TEX14: variants seen among roughly 807,000 people sequenced by gnomAD.
TEX14 encodes testis expressed 14, intercellular bridge forming factor, also known as inactive serine/threonine-protein kinase TEX14.
In TEX14, 168 loss-of-function variants were observed where a neutral mutation model predicts 178.6. That is an observed-to-expected ratio of 0.94 (90% CI 0.83 to 1.07). The LOEUF (loss-of-function observed/expected upper bound fraction) is 1.07. Among genes scored for constraint, TEX14 ranks in the 50% least tolerant of loss-of-function variants. The pLI is 0.00. For missense variants in TEX14, 1,730 were observed against 1,753.6 expected, an observed-to-expected ratio of 0.99 and a Z score of 0.24; for synonymous variants, 626 against 634.1, an observed-to-expected ratio of 0.99 and a Z score of 0.19.
chr17:58,660,786 A>C (rs1173551809), intron 1 of TEX14: 2 of 781,160 alleles, frequency 2.6e-6, no homozygotes, highest in Non-Finnish European at 4.8e-6. Context: ...TGATCATACC[A>C]GTCACTCACT....
At chr17:58,605,858 C>T (rs1158517768) in intron 10 of TEX14, among the ~76,000 whole-genome samples, 4 of 152,168 alleles carry the variant, frequency 2.6e-5, no homozygotes, top group African/African-American at 4.8e-5. Flanking sequence ...TTTAGTTTAT[C>T]TGTCTCCCCT....
chr17:58,571,484 C>T (rs974783868), intron 24 of TEX14, among the ~76,000 whole-genome samples: 10 of 151,788 alleles, frequency 6.6e-5, no homozygotes, highest in African/African-American at 2.2e-4. Context: ...GTGATCTGCC[C>T]GCCTCGGTCT....
intron 1 of TEX14, among the ~76,000 whole-genome samples, chr17:58,685,996 CAAAA>C (rs34156664): frequency 1.2e-5 from 1 of 82,656 alleles, no homozygotes; most frequent in African/African-American, 4.8e-5. Context: ...CTCTGTCTCA[CAAAA>C]AAAAAAAAAA....
At position 58,667,807 on chromosome 17, in the gene TEX14, C is replaced by A. The variant is rs561126046; in HGVS notation, c.-1-15805G>T. On this transcript the variant is annotated intron_variant, in intron 1 of 31. Coordinates refer to ENST00000349033, the MANE Select transcript of TEX14 (RefSeq NM_031272.5). ...GGCTGAGGCAGGAGAACTGCTTGAA[C>A]CCGGGAGGCGAAGGTTGCAGTGAGG... 2.0e-5 allele frequency among the ~76,000 whole-genome samples: 3 copies of A among 151,946 alleles called. No individual in the cohort carries two copies. In the South Asian group the frequency reaches 6.2e-4, roughly 32 times the overall value.
chr17:58,682,160 GCTGGGCTCAAACTC>G (rs2047510924), intron 1 of TEX14, among the ~76,000 whole-genome samples: 1 of 152,164 alleles, frequency 6.6e-6, no homozygotes, highest in Admixed American at 6.5e-5. Context: ...TGTTGCCCAG[GCTGGGCTCAAACTC>G]CTGGGCTCAA....
At chr17:58,632,167 T>G (rs1475264209) in intron 2 of TEX14, among the ~76,000 whole-genome samples, 1 of 152,190 alleles carries the variant, frequency 6.6e-6, no homozygotes, top group Non-Finnish European at 1.5e-5. Context: ...CTGCCCGGTT[T>G]GGACTGATGA....
Position 58,611,226 on chromosome 17 carries a change from G to A in TEX14, c.1119C>T (p.Ser373=). The A allele has an allele frequency of 6.2e-7, 1 of 1,613,916 alleles. No homozygotes were observed. Among genetic ancestry groups the A allele is most frequent in the Non-Finnish European group, 8.5e-7 (1 of 1,179,828 alleles). ...FQGFIHRSLS[S]YAVHIISPGE... ...CTGGGGAGATGATATGGACAGCATA[G>A]GAGCTGAGGGAGCGGTGGATAAACC... The change falls in exon 10 of 32, where the codon TCC becomes TCT. Residue 373 remains serine (S), a synonymous_variant. Coordinates refer to ENST00000349033, the MANE Select transcript of TEX14 (RefSeq NM_031272.5).
intron 12 of TEX14, 79 bp from the exon 13 acceptor site, chr17:58,602,035 A>G (rs2045464963): frequency 3.4e-6 from 5 of 1,474,846 alleles, no homozygotes; most frequent in East Asian, 4.5e-5. Flanking sequence ...CCATCTAAGT[A>G]TCTGATAAAC....
rs561353639 is a variant in TEX14, at chr17:58,584,846, T to TAATACCCAAGCC, written c.3071-258_3071-247dup. Among the ~76,000 whole-genome samples, 8 of 152,194 alleles carry TAATACCCAAGCC rather than the reference T, an allele frequency of 5.3e-5. No individual in the cohort carries two copies. The East Asian group carries it at 1.4e-3, about 26-fold the overall frequency. On this transcript the variant is annotated intron_variant, in intron 18 of 31. Coordinates refer to ENST00000349033, the MANE Select transcript of TEX14 (RefSeq NM_031272.5). ...ACAAGAAACAGATTCTAAATACAAA[T>TAATACCCAAGCC]AATACCCAAGCCAATAGATTTTCTG...
At chr17:58,594,295 G>C (rs373805736) in intron 14 of TEX14, among the ~76,000 whole-genome samples, 1 of 151,356 alleles carries the variant, frequency 6.6e-6, no homozygotes, top group African/African-American at 2.4e-5. Context: ...TTTGTGGCAG[G>C]AGTAAAGGCC....
intron 11 of TEX14, 63 bp downstream of exon 11, chr17:58,604,915 G>C (rs998239858): frequency 1.8e-5 from 28 of 1,560,546 alleles, no homozygotes; most frequent in East Asian, 2.2e-5. Flanking sequence ...TAACTCCTGT[G>C]GGGGGAGAAA....
In TEX14 at chr17:58,579,699, TC is replaced by T; in HGVS notation, c.3203del (p.Gly1068GlufsTer19). ...TSSPIEEDFE[G>X]IQGAFAQPQV... ...GAGGTTGGGCAAATGCACCTTGTAT[TC>T]CTTCAAAGTCCTCTTCTATGGGACT... On this transcript the variant is annotated frameshift_variant, in exon 20 of 32. Transcript: ENST00000349033. LOFTEE classifies it high-confidence loss of function. 1.2e-6 allele frequency: 2 copies of T among 1,614,014 alleles called. No individual in the cohort carries two copies. The highest frequency in any genetic ancestry group is 1.7e-6 in the Non-Finnish European group (2 of 1,179,974).
intron 2 of TEX14, among the ~76,000 whole-genome samples, chr17:58,651,273 C>T (rs2046834979): frequency 6.6e-6 from 1 of 152,018 alleles, no homozygotes; most frequent in African/African-American, 2.4e-5. Flanking sequence ...GAGACTCTGT[C>T]TCCAAAAGAA....
chr17:58,584,312 C>T (rs1281773077), intron 19 of TEX14, among the ~76,000 whole-genome samples, 188 bp downstream of exon 19: 1 of 152,172 alleles, frequency 6.6e-6, no homozygotes, highest in Non-Finnish European at 1.5e-5. Flanking sequence ...TTGAGTTGAA[C>T]TGACTTTTTA....
chr17:58,617,736 C>T (rs1471663619), intron 5 of TEX14, 117 bp from the exon 6 acceptor site: 1 of 666,182 alleles, frequency 1.5e-6, no homozygotes, highest in Non-Finnish European at 2.5e-6. Flanking sequence ...GCTAGACTTT[C>T]TGTTACAAAA....
intron 1 of TEX14, chr17:58,660,524 T>A: frequency 1.4e-6 from 1 of 730,720 alleles, no homozygotes; most frequent in South Asian, 1.6e-5. Flanking sequence ...GCTGCATGGT[T>A]TTCCTTGGCG....
intron 3 of TEX14, among the ~76,000 whole-genome samples, chr17:58,623,288 G>A (rs754533641): frequency 6.6e-6 from 1 of 151,868 alleles, no homozygotes; most frequent in African/African-American, 2.4e-5. Context: ...GAAACAAAAC[G>A]GCAAAGCTGA....
At chr17:58,663,396 T>C (rs1051399340) in intron 1 of TEX14, among the ~76,000 whole-genome samples, 4 of 131,952 alleles carry the variant, frequency 3.0e-5, no homozygotes, top group African/African-American at 8.8e-5. Context: ...CACTCCAGCC[T>C]GGGCAACAAG....
In TEX14 at chr17:58,613,465, C is replaced by T. The variant is rs993546473; in HGVS notation, c.961G>A (p.Glu321Lys). The change falls in exon 9 of 32, where the codon GAG becomes AAG. Residue 321 changes from glutamate (E) to lysine (K), a missense_variant. Physicochemically the swap from Glu to Lys is moderately conservative, Grantham distance 56. This residue lies in a region of TEX14 where 789 missense variants were observed against 681.2 expected (regional missense o/e 1.16). Transcript: ENST00000349033. ...AACAATGTGCCGATAGTGATGCGCT[C>T]GTACACAAGGCGGGTTTTCTCTAGG... is the stretch of plus-strand genomic sequence containing the variant. ...QDLEKTRLVY[E>K]RITIGTLFSV... 14 of 1,613,972 alleles carry T rather than the reference C, an allele frequency of 8.7e-6. No homozygotes were observed. Among genetic ancestry groups the T allele is most frequent in the Admixed American group, 5.0e-5 (3 of 59,986 alleles).
Sources: gnomAD v4.1 joint callset for allele counts (sites outside exome capture counted in the v4.1 genomes callset) on GRCh38, gnomAD v4.1.1 for gene constraint, gnomAD v4.1.1 regional missense constraint, MANE v1.5 for transcripts, NCBI Gene and HGNC (gene_info 2026-07-23, HGNC 2026-07-21) for gene names.